ANKS6: variants seen among roughly 807,000 people sequenced by gnomAD.
ANKS6 encodes the protein ankyrin repeat and sterile alpha motif domain containing 6.
In ANKS6, 47 loss-of-function variants were observed where a neutral mutation model predicts 77.9. That is an observed-to-expected ratio of 0.60 (90% CI 0.48 to 0.77). ANKS6 has a LOEUF of 0.77. Ranked by LOEUF, ANKS6 falls within the 30% of genes least tolerant of loss-of-function variation. The probability of loss-of-function intolerance (pLI) is 0.00; values close to 1 mark genes in which losing one functional copy is unlikely to be tolerated. For missense variants in ANKS6, 1,150 were observed against 1,159.1 expected (o/e 0.99, Z 0.11); for synonymous variants, 488 against 501.7 (o/e 0.97, Z 0.37).
intron 12 of ANKS6, among the ~76,000 whole-genome samples, chr9:98,755,832 G>A (rs892179002): frequency 2.0e-5 from 3 of 152,144 alleles, no homozygotes; most frequent in Non-Finnish European, 4.4e-5. Context: ...CAAGCCAATG[G>A]CCTTTACACT....
chr9:98,760,482 A>G (rs1832949554), intron 11 of ANKS6, among the ~76,000 whole-genome samples: 1 of 152,224 alleles, frequency 6.6e-6, no homozygotes, highest in African/African-American at 2.4e-5. Flanking sequence ...GCTGCCAGCC[A>G]TCAGTCAATT....
rs775021286 is a variant in ANKS6 at position 98,768,170 on chromosome 9, G to T, written c.2053C>A (p.His685Asn). Residue 685 changes from histidine to asparagine, a missense_variant, in exon 11 of 15, where the codon CAT becomes AAT. Coordinates refer to ENST00000353234, the MANE Select transcript of ANKS6 (RefSeq NM_173551.5). ...GCTGGCCCCACAGGGCTTGACCGATGGCTGGGTTTCTGCTCCAATAATCCG... is the reference window on the plus strand; with the variant it reads ...GCTGGCCCCACAGGGCTTGACCGATTGCTGGGTTTCTGCTCCAATAATCCG... ...AAGLLEQKPS[H>N]RSSPVGPAPG... 3.7e-6 allele frequency: 6 copies of T among 1,614,088 alleles called. No homozygotes were observed. In the East Asian group the frequency reaches 1.3e-4, roughly 36 times the overall value.
rs185570709 is a variant in ANKS6, at chr9:98,745,212, A to G, written c.2511+347T>C. On this transcript the variant is annotated intron_variant, in intron 14 of 14. Transcript: ENST00000353234. ...CAGACAGGGACAGTGAGGCTCAGAG[A>G]GGTGTTTGCCTCACCCCACACAGTG... 3.9e-5 allele frequency among the ~76,000 whole-genome samples: 6 copies of G among 152,240 alleles called. No individual in the cohort carries two copies. In the East Asian group the frequency reaches 1.2e-3, roughly 29 times the overall value.
intron 8 of ANKS6, 116 bp downstream of exon 8, chr9:98,777,289 C>A: frequency 1.8e-6 from 2 of 1,140,132 alleles, no homozygotes; most frequent in Non-Finnish European, 2.6e-6. Context: ...ATTCTCATCA[C>A]CAACCCTATC....
At chr9:98,777,715 T>G (rs1179534858) in intron 7 of ANKS6, among the ~76,000 whole-genome samples, 2 of 152,156 alleles carry the variant, frequency 1.3e-5, no homozygotes, top group African/African-American at 4.8e-5. Flanking sequence ...CAGACAGTGG[T>G]GCCAAAGTAG....
At chr9:98,736,902 G>A (rs568790188) in intron 14 of ANKS6, among the ~76,000 whole-genome samples, 2 of 152,334 alleles carry the variant, frequency 1.3e-5, no homozygotes, top group East Asian at 3.9e-4. Flanking sequence ...TCCGGGGCAG[G>A]ACTGACTTCT....
chr9:98,742,351 C>T (rs1831884692), intron 14 of ANKS6, among the ~76,000 whole-genome samples: 1 of 152,218 alleles, frequency 6.6e-6, no homozygotes, highest in Non-Finnish European at 1.5e-5. Context: ...GGCAGTGAAC[C>T]GACTCTTGGA....
chr9:98,778,556 C>T lies in ANKS6; in HGVS notation c.1369-132G>A, dbSNP rs1033890740. On this transcript the variant is annotated intron_variant, in intron 6 of 14. Transcript: ENST00000353234. ...TCCCCTCTCCTGGGGCCCAGACAGA[C>T]ATTACTGATCAATGATAGCACCCAT... 8.1e-5 allele frequency: 62 copies of T among 767,866 alleles called. No homozygotes were observed. The African/African-American group carries it at 9.7e-4, about 12-fold the overall frequency. The allele number at this position is 767,866 out of a possible 1,614,324, so 47.6% of individuals were successfully genotyped here.
chr9:98,758,854 G>A (rs1258550801), intron 11 of ANKS6, among the ~76,000 whole-genome samples: 1 of 152,060 alleles, frequency 6.6e-6, no homozygotes, highest in Non-Finnish European at 1.5e-5. Context: ...TAACAGAATT[G>A]TTAGCCCATA....
intron 10 of ANKS6, among the ~76,000 whole-genome samples, chr9:98,770,450 T>C (rs1833556077): frequency 6.6e-6 from 1 of 152,146 alleles, no homozygotes; most frequent in African/African-American, 2.4e-5. Flanking sequence ...TGCAAGCCCA[T>C]AATAACTTTG....
At chr9:98,755,461 A>C (rs150031506) in intron 12 of ANKS6, among the ~76,000 whole-genome samples, 116 of 152,160 alleles carry the variant, frequency 7.6e-4, no homozygotes, top group Middle Eastern at 6.8e-3. Context: ...CTGGGGCCTG[A>C]CTGCAAAGCC....
At position 98,778,331 on chromosome 9, in the gene ANKS6, A is replaced by G. The variant is rs1310152280; in HGVS notation, c.1462T>C (p.Ser488Pro). Residue 488 changes from serine to proline, a missense_variant, in exon 7 of 15, where the codon TCT (serine) becomes CCT (proline). Transcript: ENST00000353234. ...GLSSNQPLPFSDEPEPALDST... is the reference protein window; with the variant it reads ...GLSSNQPLPFPDEPEPALDST... ...TCCAGAGCTGGCTCAGGCTCGTCAG[A>G]GAAAGGCAAAGGCTGGTTGCTGGAC... 4 of 1,614,184 alleles carry G rather than the reference A, an allele frequency of 2.5e-6. No homozygotes were observed. The highest frequency in any genetic ancestry group is 1.3e-5 in the African/African-American group (1 of 75,038).
chr9:98,753,893 C>A (rs1054407375), intron 12 of ANKS6, among the ~76,000 whole-genome samples: 1 of 152,134 alleles, frequency 6.6e-6, no homozygotes, highest in Non-Finnish European at 1.5e-5. Context: ...TCAGTTAATT[C>A]GAAGTTCATG....
chr9:98,742,248 A>G (rs905024951), intron 14 of ANKS6, among the ~76,000 whole-genome samples: 3 of 152,228 alleles, frequency 2.0e-5, no homozygotes, highest in Admixed American at 2.0e-4. Flanking sequence ...TTCATGCCCT[A>G]TAGCAAAATT....
rs759850970 is a variant in ANKS6, at chr9:98,790,621, G to T, written c.360-15C>A. 6.3e-7 allele frequency: 1 copy of T among 1,590,526 alleles called. No homozygotes were observed. Among genetic ancestry groups the T allele is most frequent in the Non-Finnish European group, 8.6e-7 (1 of 1,162,638 alleles). ...CATGCCCAAATCTGCCAGGAAGATG[G>T]AGAATTAGTGACACTGAACACACAG... is the stretch of plus-strand genomic sequence containing the variant. On this transcript the variant is annotated splice_polypyrimidine_tract_variant and intron_variant, in intron 1 of 14. Transcript: ENST00000353234.
At chr9:98,786,864 A>G (rs1486547838) in intron 2 of ANKS6, among the ~76,000 whole-genome samples, 2 of 152,174 alleles carry the variant, frequency 1.3e-5, no homozygotes, top group African/African-American at 4.8e-5. Context: ...CCTGGCCCCA[A>G]GAGGCAGGGG....
intron 11 of ANKS6, 142 bp from the exon 12 acceptor site, chr9:98,756,745 A>G (rs1202633308): frequency 1.4e-6 from 1 of 719,250 alleles, no homozygotes; most frequent in African/African-American, 1.9e-5. Flanking sequence ...ACTTTTAAAA[A>G]CATGGAAAGC....
chr9:98,746,088 A>T lies in ANKS6; in HGVS notation c.2395-413T>A, dbSNP rs186284064. On this transcript the variant is annotated intron_variant, in intron 13 of 14. Coordinates refer to ENST00000353234, the MANE Select transcript of ANKS6 (RefSeq NM_173551.5). ...ATCTCCCTCACCACGCACGAGACAG[A>T]GACAGACTGTGGAAAGAGAGTGAGG... 4.7e-3 allele frequency: 800 copies of T among 170,138 alleles called. 6 individuals carry two copies. The highest frequency in any genetic ancestry group is 0.018 in the African/African-American group (746 of 42,014). The allele number at this position is 170,138 out of a possible 1,614,324, so 10.5% of individuals were successfully genotyped here. A position where few individuals can be genotyped will look rare whatever the true frequency, so the allele number is the denominator to read the frequency against.
intron 14 of ANKS6, among the ~76,000 whole-genome samples, chr9:98,737,539 C>G (rs888539505): frequency 6.6e-6 from 1 of 151,970 alleles, no homozygotes; most frequent in Non-Finnish European, 1.5e-5. Context: ...AGGTGAAAGA[C>G]CTCTACAAGG....
Sources: gnomAD v4.1 joint callset for allele counts (sites outside exome capture counted in the v4.1 genomes callset) on GRCh38, gnomAD v4.1.1 for gene constraint, MANE v1.5 for transcripts, NCBI Gene and HGNC (gene_info 2026-07-23, HGNC 2026-07-21) for gene names.